ETV6: variants seen among roughly 807,000 people sequenced by gnomAD.
The protein encoded by ETV6 is transcription factor ETV6.
In ETV6, 16 loss-of-function variants were observed where a neutral mutation model predicts 51.1. The observed-to-expected ratio is 0.31, with a 90% CI of 0.21 to 0.48. The LOEUF (loss-of-function observed/expected upper bound fraction) is 0.48. Ranked by LOEUF, ETV6 falls within the 20% of genes least tolerant of loss-of-function variation. The pLI, the probability that ETV6 is intolerant of heterozygous loss-of-function variation, is 0.99. For missense variants in ETV6, 458 were observed against 594.8 expected, an observed-to-expected ratio of 0.77 and a Z score of 2.39; for synonymous variants, 240 against 224.1, an observed-to-expected ratio of 1.07 and a Z score of -0.64.
chr12:11,660,652 C>A (rs1864085396), intron 1 of ETV6, among the ~76,000 whole-genome samples: 2 of 147,880 alleles, frequency 1.4e-5, no homozygotes, highest in Non-Finnish European at 3.0e-5. Flanking sequence ...TTGCTAAGCT[C>A]TTTTGTTAAC....
chr12:11,869,500 C>T lies in ETV6; in HGVS notation c.540C>T (p.His180=), dbSNP rs774295270. 1.2e-5 allele frequency: 19 copies of T among 1,614,072 alleles called. No individual in the cohort carries two copies. The highest frequency in any genetic ancestry group is 3.4e-6 in the Non-Finnish European group (4 of 1,180,036). ...HHNPPTIELL[H]RSRSPITTNH... ...ACCCTCCCACCATTGAACTGTTGCA[C>T]CGCTCCAGGTCACCTATCACGACAA... is the stretch of plus-strand genomic sequence containing the variant. The change falls in exon 5 of 8, where the codon CAC becomes CAT. Residue 180 remains histidine, a synonymous_variant. Transcript: ENST00000396373. The surrounding 1 kb of genome is among the most constrained non-coding windows in gnomAD (Gnocchi z 5.0).
intron 2 of ETV6, among the ~76,000 whole-genome samples, chr12:11,786,947 T>G (rs56144030): frequency 0.048 from 7,258 of 152,214 alleles, 581 homozygotes; most frequent in African/African-American, 0.16. Context: ...TTGATACTGT[T>G]GCCAGTGATC....
intron 2 of ETV6, among the ~76,000 whole-genome samples, chr12:11,783,998 T>C (rs951145287): frequency 6.6e-6 from 1 of 151,940 alleles, no homozygotes; most frequent in African/African-American, 2.4e-5. Flanking sequence ...TTTGTATTGA[T>C]ACTAATTTGT....
intron 1 of ETV6, among the ~76,000 whole-genome samples, chr12:11,691,496 A>AT (rs1193629396): frequency 1.3e-5 from 2 of 152,254 alleles, no homozygotes; most frequent in Non-Finnish European, 2.9e-5. Context: ...AATGGAACAC[A>AT]TAAAAACATA....
intron 1 of ETV6, among the ~76,000 whole-genome samples, chr12:11,662,885 A>G (rs969668737): frequency 6.6e-6 from 1 of 152,122 alleles, no homozygotes; most frequent in Admixed American, 6.5e-5. Flanking sequence ...ATCTTTTGGG[A>G]CCTCAAGTGG....
intron 1 of ETV6, among the ~76,000 whole-genome samples, chr12:11,671,909 A>G (rs1864324311): frequency 6.8e-6 from 1 of 146,860 alleles, no homozygotes; most frequent in Non-Finnish European, 1.5e-5. Context: ...GAATGAACCT[A>G]CTTTTTAATT....
chr12:11,817,689 G>A lies in ETV6; in HGVS notation c.164-21451G>A, dbSNP rs900123454. Among the ~76,000 whole-genome samples the A allele has an allele frequency of 2.6e-5, 4 of 152,160 alleles. 1 individual carries two copies. Among genetic ancestry groups the A allele is most frequent in the Admixed American group, 2.0e-4 (3 of 15,288 alleles). On this transcript the variant is annotated intron_variant, in intron 2 of 7. Transcript: ENST00000396373. ...TTTCCCTGGCCACACACAGCACCCC[G>A]AGGCCTGGCCAGCCCCCATGCCAGC...
Position 11,752,575 on chromosome 12 carries a change from C to T in ETV6, c.159C>T (p.His53=), listed in dbSNP as rs1252021275. 1.2e-6 allele frequency: 2 copies of T among 1,611,666 alleles called. No homozygotes were observed. Among genetic ancestry groups the T allele is most frequent in the East Asian group, 2.2e-5 (1 of 44,874 alleles). ...MEEDSIRLPA[H]LRLQPIYWSR... Reference sequence around the variant, plus strand: ...AAGACTCGATCCGCCTGCCTGCGCACCTGCGTGAGTGTTCGTGACCCGAGA... The same window carrying T: ...AAGACTCGATCCGCCTGCCTGCGCATCTGCGTGAGTGTTCGTGACCCGAGA... The change falls in exon 2 of 8, where the codon CAC becomes CAT. Residue 53 remains histidine (H), a synonymous_variant. Transcript: ENST00000396373.
chr12:11,847,532 C>T (rs149457833), intron 3 of ETV6, among the ~76,000 whole-genome samples: 11 of 152,202 alleles, frequency 7.2e-5, no homozygotes, highest in African/African-American at 2.4e-4. Context: ...GAGAAGTAGG[C>T]GGAAAACCAG....
chr12:11,767,945 CG>C (rs1380321645), intron 2 of ETV6, among the ~76,000 whole-genome samples: 3 of 152,094 alleles, frequency 2.0e-5, no homozygotes, highest in African/African-American at 7.2e-5. Context: ...ATGGGTTGAA[CG>C]TGAGTTTGCT....
At chr12:11,841,680 A>C (rs572720704) in intron 3 of ETV6, among the ~76,000 whole-genome samples, 42 of 152,324 alleles carry the variant, frequency 2.8e-4, no homozygotes, top group Admixed American at 7.8e-4. Flanking sequence ...CAGAGATTAG[A>C]GGGGCCATTT....
intron 1 of ETV6, among the ~76,000 whole-genome samples, chr12:11,748,826 C>T (rs1430141014): frequency 7.2e-5 from 11 of 152,096 alleles, no homozygotes; most frequent in Non-Finnish European, 1.6e-4. Context: ...GGAGAGGGAA[C>T]GCAGCTCATT....
chr12:11,752,991 T>G, intron 2 of ETV6: 1 of 154,602 alleles, frequency 6.5e-6, no homozygotes, highest in African/African-American at 2.4e-5. Flanking sequence ...CACTTCTGCT[T>G]TGTTTTTAAG....
intron 2 of ETV6, among the ~76,000 whole-genome samples, chr12:11,787,575 G>GTGAGTAAGGT (rs1326665005): frequency 6.6e-6 from 1 of 152,066 alleles, no homozygotes; most frequent in African/African-American, 2.4e-5. Context: ...GAGATTTCTG[G>GTGAGTAAGGT]GTGTGAAAAG....
chr12:11,713,939 A>G (rs1865221059), intron 1 of ETV6, among the ~76,000 whole-genome samples: 1 of 152,220 alleles, frequency 6.6e-6, no homozygotes, highest in Non-Finnish European at 1.5e-5. Context: ...CCAGTGTTCT[A>G]GTCTAGAACC....
chr12:11,743,499 T>A lies in ETV6; in HGVS notation c.34-8951T>A, dbSNP rs1396463993. Among the ~76,000 whole-genome samples, 5 of 152,176 alleles carry A rather than the reference T, an allele frequency of 3.3e-5. No homozygotes were observed. In the East Asian group the frequency reaches 9.6e-4, roughly 29 times the overall value. Reference sequence around the variant, plus strand: ...GGGGTATCCCTTAGAGCCTGGTGTGTCTTCATACAAACAGCTTTGCTGGGG... The same window carrying A: ...GGGGTATCCCTTAGAGCCTGGTGTGACTTCATACAAACAGCTTTGCTGGGG... On this transcript the variant is annotated intron_variant, in intron 1 of 7. Coordinates refer to ENST00000396373, the MANE Select transcript of ETV6 (RefSeq NM_001987.5).
At chr12:11,739,930 A>G (rs1865778894) in intron 1 of ETV6, among the ~76,000 whole-genome samples, 1 of 152,178 alleles carries the variant, frequency 6.6e-6, no homozygotes. Flanking sequence ...TTAGAGTCAT[A>G]ATTTTTCCCG....
intron 2 of ETV6, among the ~76,000 whole-genome samples, chr12:11,755,244 G>A (rs989062115): frequency 6.6e-6 from 1 of 152,196 alleles, no homozygotes; most frequent in Non-Finnish European, 1.5e-5. Flanking sequence ...AAGGATGGAT[G>A]GGTCCCCACG....
Position 11,815,095 on chromosome 12 carries a change from C to T in ETV6, c.164-24045C>T, listed in dbSNP as rs916006. Among the ~76,000 whole-genome samples, 764 of 152,284 alleles carry T rather than the reference C, an allele frequency of 5.0e-3. 7 individuals are homozygous for T. Among genetic ancestry groups the T allele is most frequent in the African/African-American group, 0.018 (732 of 41,546 alleles). On this transcript the variant is annotated intron_variant, in intron 2 of 7. Coordinates refer to ENST00000396373, the MANE Select transcript of ETV6 (RefSeq NM_001987.5). Reference sequence around the variant, plus strand: ...ATACTTCCCAGGAGAAGTCAAATCACGCCCCAGAATAGGATACCTACTTAG... The same window carrying T: ...ATACTTCCCAGGAGAAGTCAAATCATGCCCCAGAATAGGATACCTACTTAG...
Sources: gnomAD v4.1 joint callset for allele counts (sites outside exome capture counted in the v4.1 genomes callset) on GRCh38, gnomAD v4.1.1 for gene constraint, Gnocchi (gnomAD v3.1) non-coding constraint, MANE v1.5 for transcripts, NCBI Gene and HGNC (gene_info 2026-07-23, HGNC 2026-07-21) for gene names.